The following ZNF676 variants were observed in gnomAD, a reference collection of about 807,000 sequenced individuals.
ZNF676 encodes zinc finger protein 676.
ZNF676 carries 4 observed loss-of-function variants against 6.0 expected under a neutral mutation model. The observed-to-expected ratio is 0.67, with a 90% CI of 0.33 to 1.53. The LOEUF is 1.53. Ranked by LOEUF, ZNF676 falls within the 40% of genes most tolerant of loss-of-function variation. The pLI is 0.06. For missense variants in ZNF676, 644 were observed against 679.7 expected (o/e 0.95, Z 0.58); for synonymous variants, 198 against 223.1 (o/e 0.89, Z 1.00).
the ZNF676 span, among the ~76,000 whole-genome samples, chr19:22,230,847 AT>A: frequency 6.6e-6 from 1 of 151,486 alleles, no homozygotes; most frequent in Non-Finnish European, 1.5e-5. Context: ...TTTAGGAGAG[AT>A]GGCGTTTCAC....
At chr19:22,249,837 C>T in the ZNF676 span, among the ~76,000 whole-genome samples, 1 of 151,658 alleles carries the variant, frequency 6.6e-6, no homozygotes, top group Non-Finnish European at 1.5e-5. Flanking sequence ...GAAAATCTTG[C>T]CTTATGGTCA....
chr19:22,201,141 G>C (rs947585475), upstream of ZNF676, among the ~76,000 whole-genome samples: 25 of 152,166 alleles, frequency 1.6e-4, no homozygotes, highest in African/African-American at 6.0e-4. Flanking sequence ...TGTTGGGTAA[G>C]TAGAAGGACA....
upstream of ZNF676, among the ~76,000 whole-genome samples, chr19:22,218,628 G>A (rs1240438956): frequency 1.3e-5 from 2 of 151,814 alleles, no homozygotes; most frequent in African/African-American, 4.8e-5. Flanking sequence ...ACAGGTATAA[G>A]CCACTGCACT....
At chr19:22,220,323 G>A (rs117103101), upstream of ZNF676, among the ~76,000 whole-genome samples, 10 of 152,118 alleles carry the variant, frequency 6.6e-5, no homozygotes, top group South Asian at 2.1e-3. Context: ...AGTGATACTG[G>A]CTTCATAGAA....
At chr19:22,252,436 G>T in the ZNF676 span, among the ~76,000 whole-genome samples, 1 of 137,218 alleles carries the variant, frequency 7.3e-6, no homozygotes, top group Non-Finnish European at 1.6e-5. Flanking sequence ...AGAAAGAAAA[G>T]AAAAAAAAAA....
intron 2 of ZNF676, among the ~76,000 whole-genome samples, chr19:22,192,473 A>C (rs979699920): frequency 6.6e-6 from 1 of 152,126 alleles, no homozygotes; most frequent in Admixed American, 6.5e-5. Context: ...TGAAGCTACA[A>C]GAAACTGTGA....
the ZNF676 span, among the ~76,000 whole-genome samples, chr19:22,248,121 C>G: frequency 6.6e-6 from 1 of 152,068 alleles, no homozygotes; most frequent in Non-Finnish European, 1.5e-5. Context: ...TGTATATGTG[C>G]CACATTTTCT....
chr19:22,210,442 T>C (rs2024117342), intron 1 of ZNF676, among the ~76,000 whole-genome samples: 1 of 152,022 alleles, frequency 6.6e-6, no homozygotes, highest in Non-Finnish European at 1.5e-5. Context: ...CTGATACAGC[T>C]ACTCACAGAA....
At chr19:22,215,605 T>G in intron 1 of ZNF676, 3 of 1,610,166 alleles carry the variant, frequency 1.9e-6, no homozygotes, top group Non-Finnish European at 2.5e-6. Context: ...GGCCACTCTC[T>G]CAGTGTGTCG....
In ZNF676 at chr19:22,179,800, G is replaced by T; in HGVS notation, c.*150C>A. The T allele has an allele frequency of 2.1e-6, 2 of 943,678 alleles. No individual in the cohort carries two copies. Among genetic ancestry groups the T allele is most frequent in the Non-Finnish European group, 3.4e-6 (2 of 594,280 alleles). 58.5% of individuals were successfully genotyped at this position (943,678 alleles called of 1,614,324 possible). ...TTCACGTTTGTAGTGTTTCTCTCCAGCATGAATTTTCTTATGTGTAATAAA... is the reference window on the plus strand; with the variant it reads ...TTCACGTTTGTAGTGTTTCTCTCCATCATGAATTTTCTTATGTGTAATAAA... On this transcript the variant is annotated 3_prime_UTR_variant, in exon 3 of 3. Transcript: ENST00000397121.
At position 22,181,446 on chromosome 19, in the gene ZNF676, A is replaced by C; in HGVS notation, c.271T>G (p.Cys91Gly). ...LKISCTNVDE[C>G]NVHKEGYNKL... is the part of the protein sequence containing the mutation. ...TTATAACCTTCTTTGTGCACGTTACACTCATCCACATTGGTACAACTAATT... is the reference window on the plus strand; with the variant it reads ...TTATAACCTTCTTTGTGCACGTTACCCTCATCCACATTGGTACAACTAATT... The change falls in exon 3 of 3, where the codon TGT (cysteine) becomes GGT (glycine). Residue 91 changes from cysteine to glycine, a missense_variant. Transcript: ENST00000397121. The C allele has an allele frequency of 8.1e-6, 13 of 1,613,678 alleles. No individual in the cohort carries two copies. The highest frequency in any genetic ancestry group is 1.1e-5 in the Non-Finnish European group (13 of 1,179,814).
chr19:22,219,314 G>A (rs1260072052), upstream of ZNF676, among the ~76,000 whole-genome samples: 3 of 151,898 alleles, frequency 2.0e-5, no homozygotes, highest in Admixed American at 2.0e-4. Flanking sequence ...GGCCAGGCTG[G>A]TCTTGAACTC....
rs1378915 is a variant in ZNF676, at chr19:22,179,725, C to A, written c.*225G>T. On this transcript the variant is annotated 3_prime_UTR_variant, in exon 3 of 3. Coordinates refer to ENST00000397121, the MANE Select transcript of ZNF676 (RefSeq NM_001001411.3). ...GTAGGGTTTCTCTCCAGTATGAATT[C>A]TCTTATGTTCCACAAGGTTTGAGGA... The A allele has an allele frequency of 0.38, 281,755 of 735,792 alleles. 55,287 individuals carry two copies. Among genetic ancestry groups the A allele is most frequent in the African/African-American group, 0.58 (33,418 of 57,392 alleles). 45.6% of individuals were successfully genotyped at this position (735,792 alleles called of 1,614,324 possible).
the ZNF676 span, chr19:22,259,743 G>A: frequency 6.6e-6 from 1 of 152,328 alleles, no homozygotes; most frequent in Non-Finnish European, 1.5e-5. Flanking sequence ...CATCATGTTG[G>A]TGGTGGGCCC....
chr19:22,197,696 A>G (rs2023982354), upstream of ZNF676, among the ~76,000 whole-genome samples: 1 of 152,208 alleles, frequency 6.6e-6, no homozygotes, highest in African/African-American at 2.4e-5. Context: ...GTCAGATTAA[A>G]TGTTTTGGTT....
Position 22,202,081 on chromosome 19 carries a change from T to A in ZNF676, c.4-5355A>T, listed in dbSNP as rs536990737. 6.8e-4 allele frequency among the ~76,000 whole-genome samples: 103 copies of A among 152,250 alleles called. 1 individual carries two copies. The highest frequency in any genetic ancestry group is 3.4e-3 in the Middle Eastern group (1 of 294). On this transcript the variant is annotated intron_variant, in intron 1 of 3. Coordinates refer to the ZNF676 transcript ENST00000650058. ...AATTCTCAAGACCTAGATTTAGAAT[T>A]TGGAGCTGCAAATTCAGGTCCTGCA... is the stretch of plus-strand genomic sequence containing the variant.
chr19:22,184,740 C>A (rs1299516597), intron 2 of ZNF676, among the ~76,000 whole-genome samples: 1 of 146,588 alleles, frequency 6.8e-6, no homozygotes, highest in Non-Finnish European at 1.5e-5. Flanking sequence ...TAAAGCCACC[C>A]AGAAGATTGA....
chr19:22,227,237 G>A, the ZNF676 span, among the ~76,000 whole-genome samples: 1 of 152,156 alleles, frequency 6.6e-6, no homozygotes, highest in Admixed American at 6.5e-5. Flanking sequence ...CATGGAAACA[G>A]AACAACATGC....
At chr19:22,192,728 A>AAAAC (rs3830628) in intron 2 of ZNF676, among the ~76,000 whole-genome samples, 64,708 of 151,384 alleles carry the variant, frequency 0.43, 14,725 homozygotes, top group African/African-American at 0.59. Context: ...TGTGTCCACA[A>AAAAC]AAACAAAAAA....
Sources: gnomAD v4.1 joint callset for allele counts (sites outside exome capture counted in the v4.1 genomes callset) on GRCh38, gnomAD v4.1.1 for gene constraint, MANE v1.5 for transcripts, NCBI Gene and HGNC (gene_info 2026-07-23, HGNC 2026-07-21) for gene names.